The following TMEM132C variants were observed in gnomAD, a reference collection of about 807,000 sequenced individuals.
TMEM132C encodes the protein transmembrane protein 132C, also known as protein phosphatase 1, regulatory subunit 152.
TMEM132C carries 29 observed loss-of-function variants against 61.4 expected under a neutral mutation model. The observed-to-expected ratio is 0.47, with a 90% CI of 0.35 to 0.64. The LOEUF (loss-of-function observed/expected upper bound fraction) is 0.64. Among genes scored for constraint, TMEM132C ranks in the 30% least tolerant of loss-of-function variants. TMEM132C has a pLI of 0.00. For missense variants in TMEM132C, 1,408 were observed against 1,476.9 expected, an observed-to-expected ratio of 0.95 and a Z score of 0.76; for synonymous variants, 656 against 633.1, an observed-to-expected ratio of 1.04 and a Z score of -0.54.
chr12:128,295,591 T>C (rs963844621), intron 1 of TMEM132C, among the ~76,000 whole-genome samples: 2 of 150,806 alleles, frequency 1.3e-5, no homozygotes, highest in Non-Finnish European at 2.9e-5. Flanking sequence ...CTTACCCGAC[T>C]TCTTAGACTT....
intron 2 of TMEM132C, among the ~76,000 whole-genome samples, chr12:128,487,378 C>T (rs1480081803): frequency 6.6e-6 from 1 of 152,116 alleles, no homozygotes; most frequent in African/African-American, 2.4e-5. Flanking sequence ...AACACACTAA[C>T]CATTCTTAGC....
chr12:128,577,537 A>G (rs1875158431), intron 3 of TMEM132C, among the ~76,000 whole-genome samples: 1 of 152,214 alleles, frequency 6.6e-6, no homozygotes, highest in Non-Finnish European at 1.5e-5. Context: ...TCTGACTGTG[A>G]CAGTGGCTGA....
At chr12:128,502,886 A>G (rs1367129007) in intron 2 of TMEM132C, among the ~76,000 whole-genome samples, 1 of 152,204 alleles carries the variant, frequency 6.6e-6, no homozygotes, top group Non-Finnish European at 1.5e-5. Flanking sequence ...AATAGAAAAC[A>G]CATGTAGATA....
At chr12:128,580,244 A>G (rs923988909) in intron 3 of TMEM132C, among the ~76,000 whole-genome samples, 4 of 151,906 alleles carry the variant, frequency 2.6e-5, no homozygotes, top group Non-Finnish European at 1.5e-5. Flanking sequence ...GTGAAACCCC[A>G]TCTCTACTAA....
chr12:128,437,723 T>G (rs1338563858), intron 2 of TMEM132C: 1 of 152,226 alleles, frequency 6.6e-6, no homozygotes. Context: ...ATGTCTTTTC[T>G]TAATTGTTTG....
chr12:128,518,635 A>G (rs1286351235), intron 2 of TMEM132C, among the ~76,000 whole-genome samples: 1 of 152,356 alleles, frequency 6.6e-6, no homozygotes, highest in South Asian at 2.1e-4. Flanking sequence ...AAAGCATTCC[A>G]TATAAAAGTA....
intron 3 of TMEM132C, among the ~76,000 whole-genome samples, chr12:128,552,032 C>T (rs1239916677): frequency 2.6e-5 from 4 of 152,236 alleles, no homozygotes; most frequent in African/African-American, 4.8e-5. Flanking sequence ...TCAGGGGGGA[C>T]TCCGTGTTGG....
intron 3 of TMEM132C, among the ~76,000 whole-genome samples, chr12:128,615,702 C>T (rs1237200357): frequency 6.6e-6 from 1 of 152,186 alleles, no homozygotes; most frequent in African/African-American, 2.4e-5. Flanking sequence ...ACCCGCCACT[C>T]ACCTCCTGCT....
At chr12:128,667,449 C>G (rs745737276) in intron 4 of TMEM132C, among the ~76,000 whole-genome samples, 17 of 152,134 alleles carry the variant, frequency 1.1e-4, no homozygotes, top group Non-Finnish European at 2.2e-4. Flanking sequence ...GATTGCAGCC[C>G]AGCTCCAGGA....
intron 5 of TMEM132C, among the ~76,000 whole-genome samples, chr12:128,693,159 T>C (rs1954732297): frequency 6.6e-6 from 1 of 152,140 alleles, no homozygotes; most frequent in African/African-American, 2.4e-5. Context: ...GTGAAGAACC[T>C]GCATCAGGCC....
chr12:128,456,213 G>C (rs558760041), intron 2 of TMEM132C, among the ~76,000 whole-genome samples: 1 of 151,976 alleles, frequency 6.6e-6, no homozygotes, highest in Non-Finnish European at 1.5e-5. Flanking sequence ...CTTGACAGCA[G>C]ACACACAAAG....
chr12:128,573,265 T>C (rs1473855772), intron 3 of TMEM132C, among the ~76,000 whole-genome samples: 1 of 152,156 alleles, frequency 6.6e-6, no homozygotes, highest in Non-Finnish European at 1.5e-5. Flanking sequence ...TGGAATACTA[T>C]GCAGCCATAA....
chr12:128,560,854 G>A (rs1353735599), intron 3 of TMEM132C, among the ~76,000 whole-genome samples: 1 of 152,194 alleles, frequency 6.6e-6, no homozygotes, highest in African/African-American at 2.4e-5. Context: ...GAGAGCCCTC[G>A]TGTTGAGAGT....
At chr12:128,534,836 A>G (rs10773551) in intron 2 of TMEM132C, among the ~76,000 whole-genome samples, 102,140 of 152,114 alleles carry the variant, frequency 0.67, 34,736 homozygotes, top group African/African-American at 0.75. Context: ...TCCTTCTCCC[A>G]CCCCATCCAG....
At chr12:128,516,938 C>T (rs1044374847) in intron 2 of TMEM132C, among the ~76,000 whole-genome samples, 5 of 151,016 alleles carry the variant, frequency 3.3e-5, no homozygotes, top group Non-Finnish European at 7.4e-5. Context: ...AAAGATTGAA[C>T]TTGCCGGGCA....
chr12:128,580,938 A>G (rs1468167005), intron 3 of TMEM132C, among the ~76,000 whole-genome samples: 2 of 152,108 alleles, frequency 1.3e-5, no homozygotes, highest in East Asian at 3.9e-4. Context: ...TTCCCACTAG[A>G]TGCCAACTGC....
intron 1 of TMEM132C, among the ~76,000 whole-genome samples, chr12:128,398,772 C>T (rs1163513980): frequency 6.6e-6 from 1 of 152,168 alleles, no homozygotes; most frequent in Non-Finnish European, 1.5e-5. Context: ...ATATGATATG[C>T]AGCACCCGGA....
intron 1 of TMEM132C, among the ~76,000 whole-genome samples, chr12:128,310,593 C>T (rs1871935468): frequency 6.6e-6 from 1 of 152,116 alleles, no homozygotes; most frequent in Non-Finnish European, 1.5e-5. Context: ...AGAGTGAGAA[C>T]CTGTTCATCA....
chr12:128,326,916 C>T lies in TMEM132C; in HGVS notation c.85+59429C>T, dbSNP rs1872539529. On this transcript the variant is annotated intron_variant, in intron 1 of 8. Coordinates refer to ENST00000435159, the MANE Select transcript of TMEM132C (RefSeq NM_001136103.3). This position sits in a 1 kb window ranked among gnomAD's most constrained non-coding sequence, Gnocchi z 5.6. ...TGAACTTCCTTAATTCTGGGAAGCT[C>T]AAGATTAGCCGTGTCGTAGGGGGAA... Among the ~76,000 whole-genome samples the T allele has an allele frequency of 6.7e-6, 1 of 149,768 alleles. No homozygotes were observed. Among genetic ancestry groups the T allele is most frequent in the Admixed American group, 6.6e-5 (1 of 15,204 alleles).
Sources: allele counts gnomAD v4.1 joint callset (sites outside exome capture counted in the v4.1 genomes callset), GRCh38; gene constraint gnomAD v4.1.1; non-coding constraint Gnocchi (gnomAD v3.1); transcripts MANE v1.5; gene names NCBI Gene and HGNC (gene_info 2026-07-23, HGNC 2026-07-21).